The following ADGRB3 variants were observed in gnomAD, a reference collection of about 807,000 sequenced individuals.
ADGRB3 encodes the protein brain-specific angiogenesis inhibitor 3.
Under a neutral mutation model 193.4 loss-of-function variants are expected in ADGRB3, and 37 were observed. That is an observed-to-expected ratio of 0.19 (90% CI 0.15 to 0.25). The LOEUF (loss-of-function observed/expected upper bound fraction) is 0.25, where lower values mean the gene tolerates loss of function less well. ADGRB3 is among the 10% of genes least tolerant of loss of function. The pLI, the probability that ADGRB3 is intolerant of heterozygous loss-of-function variation, is 1.00. For synonymous variants in ADGRB3, 690 were observed against 644.2 expected (o/e 1.07, Z -1.08); for missense variants, 1,637 against 1,852.9 (o/e 0.88, Z 2.14).
intron 3 of ADGRB3, among the ~76,000 whole-genome samples, chr6:68,693,756 G>T (rs926368735): frequency 9.2e-5 from 14 of 151,902 alleles, no homozygotes; most frequent in African/African-American, 3.4e-4. Flanking sequence ...ATCTATTGAC[G>T]CATACCGCAG....
At chr6:69,284,431 A>G (rs1225032465) in intron 20 of ADGRB3, among the ~76,000 whole-genome samples, 8 of 152,064 alleles carry the variant, frequency 5.3e-5, no homozygotes, top group Middle Eastern at 3.2e-3. Context: ...CTGCTTGACT[A>G]CCGGCATTGT....
At chr6:69,172,023 A>G (rs913282772) in intron 17 of ADGRB3, among the ~76,000 whole-genome samples, 1 of 152,180 alleles carries the variant, frequency 6.6e-6, no homozygotes, top group African/African-American at 2.4e-5. Flanking sequence ...GCGCTGGTGC[A>G]ATAGCAGCTT....
chr6:69,317,641 C>A (rs1237986827), intron 20 of ADGRB3, among the ~76,000 whole-genome samples: 1 of 151,404 alleles, frequency 6.6e-6, no homozygotes, highest in Non-Finnish European at 1.5e-5. Flanking sequence ...TTACCCACGC[C>A]CTGCCCTGCC....
At chr6:68,867,957 G>A (rs1481326810) in intron 3 of ADGRB3, among the ~76,000 whole-genome samples, 1 of 152,172 alleles carries the variant, frequency 6.6e-6, no homozygotes, top group African/African-American at 2.4e-5. Flanking sequence ...TAGGCCAAAA[G>A]GACTTGCCTT....
At chr6:69,178,259 T>G (rs1056380044) in intron 17 of ADGRB3, among the ~76,000 whole-genome samples, 27 of 152,214 alleles carry the variant, frequency 1.8e-4, no homozygotes, top group African/African-American at 6.5e-4. Flanking sequence ...GACCCCTGCT[T>G]CTTCTTTGTG....
At position 68,752,105 on chromosome 6, in the gene ADGRB3, A is replaced by T. The variant is rs980809483; in HGVS notation, c.757+112673A>T. Among the ~76,000 whole-genome samples, 5 of 152,180 alleles carry T rather than the reference A, an allele frequency of 3.3e-5. No individual in the cohort carries two copies. In the South Asian group the frequency reaches 1.0e-3, roughly 32 times the overall value. On this transcript the variant is annotated intron_variant, in intron 3 of 31. Coordinates refer to ENST00000370598, the MANE Select transcript of ADGRB3 (RefSeq NM_001704.3). ...ATGATTTAATTGGTAAAATTTAGGCATAAAAATTTGAGGTGATTTGTAAGC... is the reference window on the plus strand; with the variant it reads ...ATGATTTAATTGGTAAAATTTAGGCTTAAAAATTTGAGGTGATTTGTAAGC...
rs1446416587 is a variant in ADGRB3 at position 69,323,160 on chromosome 6, T to A, written c.2815-1712T>A. Among the ~76,000 whole-genome samples the A allele has an allele frequency of 2.0e-5, 3 of 151,976 alleles. No individual in the cohort carries two copies. In the East Asian group the frequency reaches 5.8e-4, roughly 29 times the overall value. On this transcript the variant is annotated intron_variant, in intron 20 of 31. Coordinates refer to ENST00000370598, the MANE Select transcript of ADGRB3 (RefSeq NM_001704.3). ...GTCTAACATTTCAACATATTTACAGTTTGGTATAACTCTTTATTGACAGTT... is the reference window on the plus strand; with the variant it reads ...GTCTAACATTTCAACATATTTACAGATTGGTATAACTCTTTATTGACAGTT...
At chr6:69,221,697 T>C (rs903162248) in intron 17 of ADGRB3, among the ~76,000 whole-genome samples, 2 of 152,210 alleles carry the variant, frequency 1.3e-5, no homozygotes, top group South Asian at 4.1e-4. Flanking sequence ...TGGTTCTTTT[T>C]AACTATACTT....
chr6:68,746,305 G>C (rs1766082881), intron 3 of ADGRB3, among the ~76,000 whole-genome samples: 1 of 151,740 alleles, frequency 6.6e-6, no homozygotes, highest in Admixed American at 6.6e-5. Flanking sequence ...GTTCATAGGT[G>C]ATTTGTATGT....
intron 10 of ADGRB3, among the ~76,000 whole-genome samples, chr6:68,990,612 A>G (rs1368362676): frequency 1.3e-5 from 2 of 152,134 alleles, no homozygotes; most frequent in African/African-American, 4.8e-5. Context: ...TGGCTTTCCT[A>G]TTAGTTGAGC....
intron 3 of ADGRB3, among the ~76,000 whole-genome samples, chr6:68,725,244 A>G (rs370393214): frequency 2.8e-4 from 42 of 151,808 alleles, no homozygotes; most frequent in African/African-American, 9.9e-4. Flanking sequence ...GAAGGATGTT[A>G]GAGGATATAT....
intron 3 of ADGRB3, among the ~76,000 whole-genome samples, chr6:68,678,084 C>T (rs1411585296): frequency 1.3e-5 from 2 of 152,108 alleles, no homozygotes; most frequent in Non-Finnish European, 2.9e-5. Context: ...AGTATCTGTG[C>T]TCTCTAATGA....
chr6:69,211,810 T>A (rs1765673926), intron 17 of ADGRB3, among the ~76,000 whole-genome samples: 1 of 152,216 alleles, frequency 6.6e-6, no homozygotes, highest in Admixed American at 6.5e-5. Flanking sequence ...ATTATACTGC[T>A]ATCCACTGTT....
intron 3 of ADGRB3, among the ~76,000 whole-genome samples, chr6:68,723,238 A>G (rs1178293728): frequency 6.6e-6 from 1 of 151,740 alleles, no homozygotes; most frequent in African/African-American, 2.4e-5. Context: ...GCTGGACCCT[A>G]CATTTTCCTC....
At chr6:68,892,736 T>G (rs886847938) in intron 3 of ADGRB3, among the ~76,000 whole-genome samples, 1 of 152,110 alleles carries the variant, frequency 6.6e-6, no homozygotes, top group Non-Finnish European at 1.5e-5. Flanking sequence ...GCAAGTTTGT[T>G]GTTATCAGTA....
chr6:69,217,401 T>C (rs1208394295), intron 17 of ADGRB3, among the ~76,000 whole-genome samples: 2 of 152,170 alleles, frequency 1.3e-5, no homozygotes, highest in Non-Finnish European at 2.9e-5. Flanking sequence ...AAAAAAAGAT[T>C]TTTATGATGT....
intron 26 of ADGRB3, among the ~76,000 whole-genome samples, chr6:69,352,658 T>G (rs774582111): frequency 1.3e-5 from 2 of 152,166 alleles, no homozygotes; most frequent in Non-Finnish European, 2.9e-5. Context: ...TGATTAGACT[T>G]AGTGTCAGTT....
rs1281728562 is a variant in ADGRB3 at position 69,106,181 on chromosome 6, A to AAAAAAAG, written c.2480+30145_2480+30146insAAAAGAA. ...GACTGCGTTAAAAAAAAAAAAAAAA[A>AAAAAAAG]AAGAAAAGAAAAGAAAAAAGAAAAG... On this transcript the variant is annotated intron_variant, in intron 17 of 31. Transcript: ENST00000370598. Among the ~76,000 whole-genome samples the AAAAAAAG allele has an allele frequency of 5.4e-5, 8 of 149,466 alleles. No individual in the cohort carries two copies. The East Asian group carries it at 1.6e-3, about 30-fold the overall frequency.
intron 26 of ADGRB3, among the ~76,000 whole-genome samples, chr6:69,352,985 A>C (rs1268782342): frequency 6.6e-6 from 1 of 152,206 alleles, no homozygotes; most frequent in Non-Finnish European, 1.5e-5. Context: ...TAAACAAGAA[A>C]GGGAAAGTCA....
Sources: allele counts gnomAD v4.1 joint callset (sites outside exome capture counted in the v4.1 genomes callset), GRCh38; gene constraint gnomAD v4.1.1; transcripts MANE v1.5; gene names NCBI Gene and HGNC (gene_info 2026-07-23, HGNC 2026-07-21).